Variants in GGACT observed in about 807,000 individuals in gnomAD.
The protein encoded by GGACT is gamma-glutamylamine cyclotransferase, also known as gamma-glutamylaminecyclotransferase.
For missense variants in GGACT, 241 were observed against 233.2 expected (o/e 1.03, Z -0.22); for synonymous variants, 118 against 115.3 (o/e 1.02, Z -0.15).
At chr13:100,536,046 G>A (rs913671495) in intron 2 of GGACT, 10 of 152,148 alleles carry the variant, frequency 6.6e-5, no homozygotes, top group Admixed American at 1.3e-4. Context: ...ACATGGCTGC[G>A]TAGAGGATTC....
At chr13:100,582,535 C>T (rs1361186) in intron 2 of GGACT, among the ~76,000 whole-genome samples, 76,170 of 152,066 alleles carry the variant, frequency 0.5, 19,895 homozygotes, top group South Asian at 0.73. Flanking sequence ...CCAATCTAAT[C>T]AAATGAGGAA....
In GGACT at chr13:100,564,250, C is replaced by T. The variant is rs193205165; in HGVS notation, c.-11+19575G>A. Among the ~76,000 whole-genome samples the T allele has an allele frequency of 2.1e-3, 315 of 152,272 alleles. 8 individuals are homozygous for T. In the East Asian group the frequency reaches 0.038, roughly 18 times the overall value. Reference sequence around the variant, plus strand: ...ATCATTGATTGTGGGAAGGGTCTATCTGTTTTACAGTGATGCTCTCGAACT... The same window carrying T: ...ATCATTGATTGTGGGAAGGGTCTATTTGTTTTACAGTGATGCTCTCGAACT... On this transcript the variant is annotated intron_variant, in intron 2 of 2. Transcript: ENST00000683975.
intron 2 of GGACT, among the ~76,000 whole-genome samples, chr13:100,544,346 C>T (rs921601188): frequency 1.3e-5 from 2 of 152,248 alleles, no homozygotes; most frequent in Admixed American, 1.3e-4. Context: ...CTCTTCCCCG[C>T]GCGGCTCGGG....
At chr13:100,580,090 G>C (rs1875370980) in intron 2 of GGACT, 1 of 152,274 alleles carries the variant, frequency 6.6e-6, no homozygotes, top group Non-Finnish European at 1.5e-5. Context: ...AACACACCTC[G>C]GGGATTGGCA....
chr13:100,563,300 G>C (rs2088782013), intron 2 of GGACT, among the ~76,000 whole-genome samples: 1 of 151,204 alleles, frequency 6.6e-6, no homozygotes, highest in African/African-American at 2.5e-5. Context: ...TAGGGGGATG[G>C]GGGCTGCCAG....
At chr13:100,580,799 A>G (rs1875392827) in intron 2 of GGACT, among the ~76,000 whole-genome samples, 2 of 152,150 alleles carry the variant, frequency 1.3e-5, no homozygotes, top group Non-Finnish European at 1.5e-5. Flanking sequence ...AGCCTGCCCA[A>G]AGAAACTTTC....
At chr13:100,543,880 A>G (rs1248691117) in intron 2 of GGACT, among the ~76,000 whole-genome samples, 1 of 152,206 alleles carries the variant, frequency 6.6e-6, no homozygotes, top group African/African-American at 2.4e-5. Context: ...TTTGTCATTC[A>G]ATACCTCGTG....
intron 2 of GGACT, among the ~76,000 whole-genome samples, chr13:100,569,099 CT>C: frequency 6.6e-6 from 1 of 152,358 alleles, no homozygotes; most frequent in South Asian, 2.1e-4. Context: ...GTGTCTGCTG[CT>C]TTTCCAGGTG....
intron 2 of GGACT, among the ~76,000 whole-genome samples, chr13:100,550,457 CA>C (rs1172737768): frequency 4.8e-5 from 7 of 144,998 alleles, no homozygotes; most frequent in African/African-American, 1.0e-4. Flanking sequence ...CACACACACA[CA>C]CCACTTTTAA....
At chr13:100,572,233 T>C (rs1290059470) in intron 2 of GGACT, among the ~76,000 whole-genome samples, 1 of 152,210 alleles carries the variant, frequency 6.6e-6, no homozygotes, top group Admixed American at 6.5e-5. Flanking sequence ...AAGGAAATTC[T>C]GACCCATCCT....
intron 2 of GGACT, among the ~76,000 whole-genome samples, chr13:100,577,853 G>A (rs756353223): frequency 6.6e-6 from 1 of 152,130 alleles, no homozygotes; most frequent in Admixed American, 6.5e-5. Context: ...AGGGAGGGCA[G>A]CAGGGAGGGA....
intron 2 of GGACT, among the ~76,000 whole-genome samples, chr13:100,579,546 A>G (rs1408206764): frequency 6.6e-6 from 1 of 152,172 alleles, no homozygotes; most frequent in Non-Finnish European, 1.5e-5. Context: ...AGCTGGCCAT[A>G]AAGACCTTGG....
intron 1 of GGACT, among the ~76,000 whole-genome samples, chr13:100,586,217 G>A (rs1030817222): frequency 4.6e-5 from 7 of 152,176 alleles, no homozygotes; most frequent in East Asian, 1.9e-4. Flanking sequence ...ACAATTTAGG[G>A]GTGAAGTGTT....
At position 100,546,126 on chromosome 13, in the gene GGACT, C is replaced by T. The variant is rs977241781; in HGVS notation, c.-10-13525G>A. Among the ~76,000 whole-genome samples the T allele has an allele frequency of 1.3e-4, 19 of 151,974 alleles. No individual in the cohort carries two copies. The Middle Eastern group carries it at 0.01, about 82-fold the overall frequency. On this transcript the variant is annotated intron_variant, in intron 2 of 2. Transcript: ENST00000683975. Reference sequence around the variant, plus strand: ...CTGTAATGCCAGCACTTTGGGAGGCCGAGGCGGGTGGATCACGAGGACAGG... The same window carrying T: ...CTGTAATGCCAGCACTTTGGGAGGCTGAGGCGGGTGGATCACGAGGACAGG...
At chr13:100,557,164 T>C (rs2088716036) in intron 2 of GGACT, among the ~76,000 whole-genome samples, 1 of 152,252 alleles carries the variant, frequency 6.6e-6, no homozygotes, top group South Asian at 2.1e-4. Flanking sequence ...GTGCTGGGAT[T>C]ACAGGCTTTA....
At chr13:100,549,058 C>T (rs1402229636) in intron 2 of GGACT, among the ~76,000 whole-genome samples, 1 of 152,250 alleles carries the variant, frequency 6.6e-6, no homozygotes, top group East Asian at 1.9e-4. Flanking sequence ...TAGAAACCAC[C>T]ACCCATGGAC....
At chr13:100,546,881 G>A (rs1191663820) in intron 2 of GGACT, among the ~76,000 whole-genome samples, 7 of 152,114 alleles carry the variant, frequency 4.6e-5, no homozygotes, top group Admixed American at 2.6e-4. Flanking sequence ...ACAGCTCCTC[G>A]AGGGCGAGGT....
intron 1 of GGACT, among the ~76,000 whole-genome samples, chr13:100,585,751 AGAGT>A (rs1875547427): frequency 6.9e-6 from 1 of 145,332 alleles, no homozygotes. Context: ...CTGGGTGACA[AGAGT>A]GAGTGAGACT....
chr13:100,552,076 T>C (rs2088669648), intron 2 of GGACT, among the ~76,000 whole-genome samples: 1 of 152,172 alleles, frequency 6.6e-6, no homozygotes, highest in African/African-American at 2.4e-5. Flanking sequence ...AGGGCAAGCT[T>C]TGAGTGTGGT....
Sources: gnomAD v4.1 joint callset for allele counts (sites outside exome capture counted in the v4.1 genomes callset) on GRCh38, gnomAD v4.1.1 for gene constraint, MANE v1.5 for transcripts, NCBI Gene and HGNC (gene_info 2026-07-23, HGNC 2026-07-21) for gene names.